Variants in MKKS observed in about 807,000 individuals in gnomAD.
MKKS encodes molecular chaperone MKKS.
In MKKS, 29 loss-of-function variants were observed where a neutral mutation model predicts 33.2. That is an observed-to-expected ratio of 0.87 (90% CI 0.65 to 1.19). MKKS has a LOEUF of 1.19. Ranked by LOEUF, MKKS falls within the 50% of genes most tolerant of loss-of-function variation. MKKS has a pLI of 0.00. For missense variants in MKKS, 661 were observed against 662.3 expected (o/e 1.00, Z 0.02); for synonymous variants, 260 against 244.0 (o/e 1.07, Z -0.61).
chr20:10,404,164 T>C lies in MKKS; in HGVS notation c.*1083A>G, dbSNP rs1360697200. 6.6e-6 allele frequency: 1 copy of C among 152,204 alleles called. No individual in the cohort carries two copies. The highest frequency in any genetic ancestry group is 2.4e-5 in the African/African-American group (1 of 41,444). The allele number at this position is 152,204 out of a possible 1,614,324, so 9.4% of individuals were successfully genotyped here. Reference sequence around the variant, plus strand: ...TCTTATATTTGCATAAAATTCAAACTACATCCCTTGGTGAAACATAATGTC... The same window carrying C: ...TCTTATATTTGCATAAAATTCAAACCACATCCCTTGGTGAAACATAATGTC... On this transcript the variant is annotated 3_prime_UTR_variant, in exon 6 of 6. Transcript: ENST00000347364.
chr20:10,419,255 C>T (rs1401672416), intron 2 of MKKS, among the ~76,000 whole-genome samples: 1 of 152,072 alleles, frequency 6.6e-6, no homozygotes, highest in Non-Finnish European at 1.5e-5. Flanking sequence ...AAATGCTTTA[C>T]AATTACAGGG....
intron 1 of MKKS, among the ~76,000 whole-genome samples, chr20:10,423,610 C>T (rs906020022): frequency 6.6e-6 from 1 of 152,122 alleles, no homozygotes; most frequent in Non-Finnish European, 1.5e-5. Context: ...ATAGTATGAA[C>T]CCTCTTTGAG....
At chr20:10,426,023 C>T (rs991807155) in intron 1 of MKKS, among the ~76,000 whole-genome samples, 1 of 152,172 alleles carries the variant, frequency 6.6e-6, no homozygotes, top group Admixed American at 6.5e-5. Context: ...AGTTTAGAGG[C>T]AATCTTAATG....
chr20:10,429,200 T>C (rs533994385), intron 1 of MKKS, among the ~76,000 whole-genome samples: 34 of 152,294 alleles, frequency 2.2e-4, no homozygotes, highest in African/African-American at 7.9e-4. Context: ...TGGAAAGTGT[T>C]CTGACCATAA....
rs749139446 is a variant in MKKS at position 10,405,455 on chromosome 20, T to C, written c.1505A>G (p.Tyr502Cys). ...DLLSQCGCGL[Y>C]NSQEELNWSF... is the part of the protein sequence containing the mutation. Reference sequence around the variant, plus strand: ...CCAGTTGAGTTCTTCCTGGCTATTGTATAATCCACAGCCACACTGTGAAAG... The same window carrying C: ...CCAGTTGAGTTCTTCCTGGCTATTGCATAATCCACAGCCACACTGTGAAAG... Residue 502 changes from tyrosine to cysteine, a missense_variant, in exon 6 of 6, where the codon TAC becomes TGC. Tyr to Cys is a radical substitution (Grantham distance 194). Coordinates refer to ENST00000347364, the MANE Select transcript of MKKS (RefSeq NM_170784.3). 3.7e-6 allele frequency: 6 copies of C among 1,614,048 alleles called. No homozygotes were observed. The highest frequency in any genetic ancestry group is 2.2e-5 in the East Asian group (1 of 44,898).
intron 1 of MKKS, among the ~76,000 whole-genome samples, chr20:10,426,441 T>A (rs1167182263): frequency 6.6e-6 from 1 of 152,246 alleles, no homozygotes; most frequent in Non-Finnish European, 1.5e-5. Flanking sequence ...AGTCTCACTC[T>A]GTTGCCCAAG....
chr20:10,429,735 T>C (rs1352920364), intron 1 of MKKS, among the ~76,000 whole-genome samples: 1 of 152,208 alleles, frequency 6.6e-6, no homozygotes, highest in East Asian at 1.9e-4. Flanking sequence ...CCCTCCTCCC[T>C]AGGGTCACAG....
chr20:10,405,385 G>C lies in MKKS; in HGVS notation c.1575C>G (p.Cys525Trp). 6.2e-7 allele frequency: 1 copy of C among 1,614,178 alleles called. No individual in the cohort carries two copies. ...CTGAGCCCACAGCTTCATGTGGAAG[G>C]CAGCTTTGTGGCACAAATGGACGAC... ...STRRPFVPQSCLPHEAVGSAS... is the reference protein window; with the variant it reads ...STRRPFVPQSWLPHEAVGSAS... Residue 525 changes from cysteine (C) to tryptophan (W), a missense_variant, in exon 6 of 6, where the codon TGC (cysteine) becomes TGG (tryptophan). Transcript: ENST00000347364.
chr20:10,401,124 T>G lies in MKKS; in HGVS notation c.*4123A>C, dbSNP rs1014381829. Reference sequence around the variant, plus strand: ...AATTCACACTTCATTACAGGTAATATAGTATTCTATGGATTTTAGTGCGCC... The same window carrying G: ...AATTCACACTTCATTACAGGTAATAGAGTATTCTATGGATTTTAGTGCGCC... On this transcript the variant is annotated 3_prime_UTR_variant, in exon 6 of 6. Transcript: ENST00000347364. The G allele has an allele frequency of 6.6e-6, 1 of 152,206 alleles. No individual in the cohort carries two copies. The highest frequency in any genetic ancestry group is 1.5e-5 in the Non-Finnish European group (1 of 68,034). 9.4% of individuals were successfully genotyped at this position (152,206 alleles called of 1,614,324 possible). A position where few individuals can be genotyped will look rare whatever the true frequency, so the allele number is the denominator to read the frequency against.
At chr20:10,427,029 GACACACACACACACACACACACACAC>G (rs377703248) in intron 1 of MKKS, among the ~76,000 whole-genome samples, 27 of 130,722 alleles carry the variant, frequency 2.1e-4, no homozygotes, top group Non-Finnish European at 3.6e-4. Context: ...AGAAAACACT[GACACACACACACACACACACACACAC>G]ACACACACAC....
At position 10,413,169 on chromosome 20, in the gene MKKS, CAGT is replaced by C; in HGVS notation, c.343_345del (p.Thr115del). Reference sequence around the variant, plus strand: ...AAAAGATGTTTATTTAATCTAATGACAGTGGTGGGTGTCAAGCCTAATCTCTGA... The same window carrying C: ...AAAAGATGTTTATTTAATCTAATGACGGTGGGTGTCAAGCCTAATCTCTGA... On this transcript the variant is annotated inframe_deletion, in exon 3 of 6. Coordinates refer to ENST00000347364, the MANE Select transcript of MKKS (RefSeq NM_170784.3). 6.2e-7 allele frequency: 1 copy of C among 1,614,160 alleles called. No individual in the cohort carries two copies. The highest frequency in any genetic ancestry group is 8.5e-7 in the Non-Finnish European group (1 of 1,180,038).
In MKKS at chr20:10,407,422, C is replaced by T. The variant is rs3765449; in HGVS notation, c.1272+194G>A. Among the ~76,000 whole-genome samples, 22,024 of 152,144 alleles carry T rather than the reference C, an allele frequency of 0.14. 1,789 individuals are homozygous for T. Among genetic ancestry groups the T allele is most frequent in the East Asian group, 0.24 (1,256 of 5,186 alleles). On this transcript the variant is annotated intron_variant, in intron 5 of 5. Coordinates refer to ENST00000347364, the MANE Select transcript of MKKS (RefSeq NM_170784.3). ...TCCCTCAAGTGTTTTTGATTATCTACTTTATTTAGACTACTGAAAAATTCA... is the reference window on the plus strand; with the variant it reads ...TCCCTCAAGTGTTTTTGATTATCTATTTTATTTAGACTACTGAAAAATTCA...
chr20:10,424,316 G>A (rs2065000808), intron 1 of MKKS, among the ~76,000 whole-genome samples: 2 of 152,064 alleles, frequency 1.3e-5, no homozygotes, highest in Admixed American at 6.5e-5. Flanking sequence ...AGCACTCTAG[G>A]AGGCTCAGGC....
Position 10,412,926 on chromosome 20 carries a change from C to T in MKKS, c.589G>A (p.Gly197Arg), listed in dbSNP as rs530845521. 1 of 1,613,588 alleles carries T rather than the reference C, an allele frequency of 6.2e-7. No homozygotes were observed. The highest frequency in any genetic ancestry group is 1.1e-5 in the South Asian group (1 of 91,040). Residue 197 changes from glycine to arginine, a missense_variant, in exon 3 of 6, where the codon GGA (glycine) becomes AGA (arginine). Transcript: ENST00000347364. ...TTTAAAGGTACAATTAAACTCTTTC[C>T]TAAAATGATGTGGCCTTCAGCATTT... The part of the protein sequence containing the change: ...PENAEGHIIL[G>R]KSLIVPLKGQ...
In MKKS at chr20:10,404,227, C is replaced by T. The variant is rs1162699980; in HGVS notation, c.*1020G>A. The T allele has an allele frequency of 6.6e-6, 1 of 151,488 alleles. No homozygotes were observed. The highest frequency in any genetic ancestry group is 1.5e-5 in the Non-Finnish European group (1 of 67,958). 9.4% of individuals were successfully genotyped at this position (151,488 alleles called of 1,614,324 possible). On this transcript the variant is annotated 3_prime_UTR_variant, in exon 6 of 6. Coordinates refer to ENST00000347364, the MANE Select transcript of MKKS (RefSeq NM_170784.3). ...ATGGGAGATTTTCTACTTTCTTTTT[C>T]ATACTATTGACTAGAGAAATAACTT...
Position 10,407,627 on chromosome 20 carries a change from T to C in MKKS, c.1261A>G (p.Ile421Val), listed in dbSNP as rs778950712. ...GCTETHLAAY[I>V]RHKTHNDPES... ...ATTATCTTACATACCTTGTGTCTGA[T>C]ATATGCAGCCAAATGAGTTTCAGTA... The change falls in exon 5 of 6, where the codon ATC becomes GTC. Residue 421 changes from isoleucine (I) to valine (V), a missense_variant. Physicochemically the swap from Ile to Val is conservative, Grantham distance 29 (BLOSUM62 3). Coordinates refer to ENST00000347364, the MANE Select transcript of MKKS (RefSeq NM_170784.3). 43 of 1,613,194 alleles carry C rather than the reference T, an allele frequency of 2.7e-5. No homozygotes were observed. The South Asian group carries it at 3.8e-4, about 14-fold the overall frequency.
At chr20:10,420,952 A>C (rs544559033) in intron 1 of MKKS, among the ~76,000 whole-genome samples, 194 bp from the exon 2 acceptor site, 2 of 152,236 alleles carry the variant, frequency 1.3e-5, no homozygotes, top group Non-Finnish European at 2.9e-5. Flanking sequence ...GCAGGCAGTC[A>C]GCCTTGGGAA....
At position 10,408,506 on chromosome 20, in the gene MKKS, A is replaced by G. The variant is rs1251444343; in HGVS notation, c.1161+122T>C. On this transcript the variant is annotated intron_variant, in intron 4 of 5. Coordinates refer to ENST00000347364, the MANE Select transcript of MKKS (RefSeq NM_170784.3). ...TTAGCTTACTTGTGACTTTGCATCA[A>G]TCATTTTAATTTTTGCTTTCTATAC... The G allele has an allele frequency of 3.1e-6, 3 of 954,338 alleles. No individual in the cohort carries two copies. The South Asian group carries it at 4.3e-5, about 14-fold the overall frequency. The allele number at this position is 954,338 out of a possible 1,614,324, so 59.1% of individuals were successfully genotyped here. A position where few individuals can be genotyped will look rare whatever the true frequency, so the allele number is the denominator to read the frequency against.
intron 1 of MKKS, among the ~76,000 whole-genome samples, chr20:10,432,448 C>T (rs2065059851): frequency 6.6e-6 from 1 of 152,110 alleles, no homozygotes; most frequent in South Asian, 2.1e-4. Context: ...GGATTGCATC[C>T]AGGACCCATG....
Sources: allele counts gnomAD v4.1 joint callset (sites outside exome capture counted in the v4.1 genomes callset), GRCh38; gene constraint gnomAD v4.1.1; transcripts MANE v1.5; gene names NCBI Gene and HGNC (gene_info 2026-07-23, HGNC 2026-07-21).